Variants in NEK10 observed in about 807,000 individuals in gnomAD.
The protein encoded by NEK10 is serine/threonine-protein kinase Nek10.
In NEK10, 122 loss-of-function variants were observed where a neutral mutation model predicts 159.8. The ratio of observed to expected loss-of-function variants is 0.76; its 90% CI spans 0.66 to 0.89. The LOEUF is 0.89. Among genes scored for constraint, NEK10 ranks in the 40% least tolerant of loss-of-function variants. NEK10 has a pLI of 0.00. For synonymous variants in NEK10, 466 were observed against 457.1 expected, an observed-to-expected ratio of 1.02 and a Z score of -0.25; for missense variants, 1,342 against 1,323.1, an observed-to-expected ratio of 1.01 and a Z score of -0.22.
rs369066318 is a variant in NEK10, at chr3:27,304,877, G to A, written c.898C>T (p.Leu300Phe). 1.9e-6 allele frequency: 3 copies of A among 1,613,260 alleles called. No homozygotes were observed. The African/African-American group carries it at 4.0e-5, about 22-fold the overall frequency. Residue 300 changes from leucine (L) to phenylalanine (F), a missense_variant, in exon 12 of 36, where the codon CTC becomes TTC. Physicochemically the swap from Leu to Phe is conservative, Grantham distance 22. Transcript: ENST00000691995. ...YEGIPVLLSL[L>F]HSDHLKLLWS... is the part of the protein sequence containing the mutation. ...AGGAGCTTCAAGTGGTCAGAGTGGA[G>A]CAGACTGAGGAGGACCGGTATCCCC...
chr3:27,165,991 A>T (rs867545073), intron 29 of NEK10, among the ~76,000 whole-genome samples: 6 of 152,356 alleles, frequency 3.9e-5, no homozygotes, highest in Middle Eastern at 3.4e-3. Context: ...CCATCATTTA[A>T]TTCAATTGTG....
chr3:27,130,151 C>T (rs1219915931), intron 32 of NEK10, among the ~76,000 whole-genome samples: 3 of 152,158 alleles, frequency 2.0e-5, no homozygotes, highest in Non-Finnish European at 4.4e-5. Context: ...AAGGTCCATA[C>T]AAGATGTCCC....
chr3:27,276,037 C>G (rs2041747022), intron 22 of NEK10, among the ~76,000 whole-genome samples: 1 of 152,100 alleles, frequency 6.6e-6, no homozygotes, highest in African/African-American at 2.4e-5. Context: ...TCTTGGCTAT[C>G]AGAAGGAGAT....
chr3:27,285,509 C>A, intron 20 of NEK10, among the ~76,000 whole-genome samples: 1 of 128,380 alleles, frequency 7.8e-6, no homozygotes. Context: ...TCTGTTATGT[C>A]TTTCAAAAGC....
chr3:27,211,642 A>G (rs1951016877), intron 23 of NEK10, among the ~76,000 whole-genome samples: 1 of 152,084 alleles, frequency 6.6e-6, no homozygotes, highest in Non-Finnish European at 1.5e-5. Context: ...CTCCCTCCTG[A>G]TCTTTGCCCC....
intron 22 of NEK10, among the ~76,000 whole-genome samples, chr3:27,258,377 T>C (rs150020737): frequency 0.33 from 30,251 of 91,820 alleles, 3,681 homozygotes; most frequent in Middle Eastern, 0.47. Flanking sequence ...CCCCTCCCCC[T>C]ACCCCACAAC....
intron 23 of NEK10, among the ~76,000 whole-genome samples, chr3:27,209,041 C>A (rs998508030): frequency 6.6e-6 from 1 of 152,206 alleles, no homozygotes; most frequent in Non-Finnish European, 1.5e-5. Flanking sequence ...ATTGGCACAC[C>A]TTTAACACAA....
At chr3:27,364,173 CTTTA>C (rs2048885191) in intron 1 of NEK10, among the ~76,000 whole-genome samples, 1 of 151,556 alleles carries the variant, frequency 6.6e-6, no homozygotes, top group African/African-American at 2.4e-5. Context: ...TGTGTATTTA[CTTTA>C]TTTATTTATT....
chr3:27,248,899 G>A (rs1955370934), intron 23 of NEK10, among the ~76,000 whole-genome samples: 1 of 152,152 alleles, frequency 6.6e-6, no homozygotes, highest in African/African-American at 2.4e-5. Flanking sequence ...TAAGTCCAAT[G>A]ATCCTTTACT....
At chr3:27,192,343 T>C in intron 25 of NEK10, 101 bp from the exon 26 acceptor site, 1 of 786,726 alleles carries the variant, frequency 1.3e-6, no homozygotes, top group East Asian at 2.6e-5. Context: ...TCCACTATGG[T>C]ATTTTCACCT....
intron 35 of NEK10, among the ~76,000 whole-genome samples, chr3:27,112,786 A>G (rs906002902): frequency 3.9e-5 from 6 of 152,228 alleles, no homozygotes; most frequent in African/African-American, 1.4e-4. Flanking sequence ...GAGACTATCT[A>G]TTGACATCTT....
intron 23 of NEK10, among the ~76,000 whole-genome samples, chr3:27,203,698 T>C (rs945269896): frequency 1.3e-5 from 2 of 152,122 alleles, no homozygotes; most frequent in Admixed American, 1.3e-4. Flanking sequence ...GGCTAAGGTA[T>C]AAAGAAATTT....
intron 30 of NEK10, among the ~76,000 whole-genome samples, chr3:27,161,886 T>C (rs1474091755): frequency 6.6e-6 from 1 of 151,986 alleles, no homozygotes; most frequent in Non-Finnish European, 1.5e-5. Context: ...GCACCTGTAA[T>C]CCCAGCTACT....
Position 27,242,789 on chromosome 3 carries a change from T to C in NEK10, c.2090+13507A>G, listed in dbSNP as rs1158026134. ...GGCAAATGCTTTACTGAGGAATAGATGTGGCCTTCCTGGAACCCTAGAGTA... is the reference window on the plus strand; with the variant it reads ...GGCAAATGCTTTACTGAGGAATAGACGTGGCCTTCCTGGAACCCTAGAGTA... On this transcript the variant is annotated intron_variant, in intron 23 of 35. Transcript: ENST00000691995. Among the ~76,000 whole-genome samples the C allele has an allele frequency of 2.6e-5, 4 of 152,344 alleles. No homozygotes were observed. The East Asian group carries it at 7.7e-4, about 29-fold the overall frequency.
intron 6 of NEK10, among the ~76,000 whole-genome samples, chr3:27,320,926 T>C (rs1419621437): frequency 6.6e-6 from 1 of 152,216 alleles, no homozygotes; most frequent in South Asian, 2.1e-4. Context: ...ACGAGGGAAG[T>C]AGAGTTGCAG....
At chr3:27,359,321 A>G (rs1472103222) in intron 1 of NEK10, among the ~76,000 whole-genome samples, 1 of 152,222 alleles carries the variant, frequency 6.6e-6, no homozygotes, top group African/African-American at 2.4e-5. Context: ...AAAAAGCACT[A>G]AAATAAACTG....
At chr3:27,271,189 AT>A (rs2041327020) in intron 22 of NEK10, among the ~76,000 whole-genome samples, 2 of 151,588 alleles carry the variant, frequency 1.3e-5, no homozygotes, top group South Asian at 2.1e-4. Context: ...CTATCTATCT[AT>A]CTATCTACCT....
At chr3:27,162,996 T>A (rs1946156580) in intron 29 of NEK10, among the ~76,000 whole-genome samples, 1 of 152,114 alleles carries the variant, frequency 6.6e-6, no homozygotes, top group Non-Finnish European at 1.5e-5. Context: ...AATTTTAGGA[T>A]CCTGAATAAT....
chr3:27,253,384 T>C (rs1020436857), intron 23 of NEK10, among the ~76,000 whole-genome samples: 3 of 152,182 alleles, frequency 2.0e-5, no homozygotes, highest in African/African-American at 7.2e-5. Context: ...TTCTCTGGAA[T>C]TGGAGGAAGA....
Sources: gnomAD v4.1 joint callset for allele counts (sites outside exome capture counted in the v4.1 genomes callset) on GRCh38, gnomAD v4.1.1 for gene constraint, MANE v1.5 for transcripts, NCBI Gene and HGNC (gene_info 2026-07-23, HGNC 2026-07-21) for gene names.